Variants in DLGAP2 observed in about 807,000 individuals in gnomAD.
The protein encoded by DLGAP2 is DLG associated protein 2, also known as disks large-associated protein 2.
A neutral mutation model predicts 100.3 loss-of-function variants in DLGAP2; 26 were observed. The observed-to-expected ratio is 0.26, with a 90% confidence interval of 0.19 to 0.36. The LOEUF is 0.36. Among genes scored for constraint, DLGAP2 ranks in the 10% least tolerant of loss-of-function variants. The probability of loss-of-function intolerance (pLI) is 1.00; values close to 1 mark genes in which losing one functional copy is unlikely to be tolerated. For synonymous variants in DLGAP2, 886 were observed against 630.1 expected (o/e 1.41, Z -6.08); for missense variants, 1,858 against 1,453.2 (o/e 1.28, Z -4.53).
intron 1 of DLGAP2, among the ~76,000 whole-genome samples, chr8:756,745 C>A (rs1327568769): frequency 6.6e-6 from 1 of 152,120 alleles, no homozygotes; most frequent in Non-Finnish European, 1.5e-5. Flanking sequence ...TCTGCCCAGC[C>A]ACACCCTCCT....
At chr8:1,164,509 T>G (rs889271172) in intron 2 of DLGAP2, among the ~76,000 whole-genome samples, 7 of 151,880 alleles carry the variant, frequency 4.6e-5, no homozygotes, top group African/African-American at 1.7e-4. Flanking sequence ...GGTAACCAGG[T>G]TGGGCGTGTG....
At chr8:1,614,183 C>T (rs1797074396) in intron 6 of DLGAP2, among the ~76,000 whole-genome samples, 1 of 152,154 alleles carries the variant, frequency 6.6e-6, no homozygotes, top group African/African-American at 2.4e-5. Context: ...TCACAAACCC[C>T]ACCAGCACCT....
At chr8:1,417,998 G>C (rs1293890138) in intron 3 of DLGAP2, among the ~76,000 whole-genome samples, 1 of 152,194 alleles carries the variant, frequency 6.6e-6, no homozygotes, top group African/African-American at 2.4e-5. Context: ...AGCACGTTTG[G>C]AGAATGGGCT....
chr8:857,474 T>C (rs1797301358), intron 1 of DLGAP2, among the ~76,000 whole-genome samples: 1 of 152,164 alleles, frequency 6.6e-6, no homozygotes, highest in Non-Finnish European at 1.5e-5. Flanking sequence ...CAAATAATTT[T>C]CAAATTTCAA....
chr8:1,177,500 G>C (rs542092439), intron 2 of DLGAP2, among the ~76,000 whole-genome samples: 3 of 152,224 alleles, frequency 2.0e-5, no homozygotes, highest in Admixed American at 1.3e-4. Flanking sequence ...GTTGATGTCA[G>C]ATATTAGCAC....
At chr8:747,295 C>T (rs1227756115) in intron 1 of DLGAP2, among the ~76,000 whole-genome samples, 1 of 152,064 alleles carries the variant, frequency 6.6e-6, no homozygotes, top group South Asian at 2.1e-4. Flanking sequence ...TATCATAAAG[C>T]AGACAGGGAA....
intron 3 of DLGAP2, among the ~76,000 whole-genome samples, chr8:1,446,745 C>A (rs1239116891): frequency 2.0e-5 from 3 of 152,112 alleles, no homozygotes; most frequent in African/African-American, 7.2e-5. Flanking sequence ...TGTTTCATTT[C>A]TTTGTATCCT....
chr8:978,681 G>A (rs1033365799), intron 2 of DLGAP2, among the ~76,000 whole-genome samples: 8 of 151,918 alleles, frequency 5.3e-5, no homozygotes, highest in Non-Finnish European at 1.2e-4. Flanking sequence ...TGTGGGGAGG[G>A]CGTCGGGGAT....
At chr8:1,182,037 C>G (rs1340062110) in intron 2 of DLGAP2, among the ~76,000 whole-genome samples, 1 of 152,220 alleles carries the variant, frequency 6.6e-6, no homozygotes, top group Non-Finnish European at 1.5e-5. Flanking sequence ...GTTGCAGCCT[C>G]TGTGCTGCAG....
At chr8:1,047,395 A>G (rs1048806689) in intron 2 of DLGAP2, among the ~76,000 whole-genome samples, 2 of 152,310 alleles carry the variant, frequency 1.3e-5, no homozygotes, top group African/African-American at 4.8e-5. Context: ...TTTGCATTAC[A>G]CTTACCAGTT....
intron 2 of DLGAP2, among the ~76,000 whole-genome samples, chr8:1,071,625 C>G (rs1303869891): frequency 1.3e-5 from 2 of 152,194 alleles, no homozygotes; most frequent in Non-Finnish European, 2.9e-5. Context: ...CCACCTGGTT[C>G]ATTTAGTGAT....
chr8:850,093 T>C (rs1487447905), intron 1 of DLGAP2, among the ~76,000 whole-genome samples: 2 of 151,970 alleles, frequency 1.3e-5, no homozygotes, highest in South Asian at 2.1e-4. Flanking sequence ...GTTGTTTGTA[T>C]TTTAATGTTT....
chr8:1,107,085 T>G (rs1438350330), intron 2 of DLGAP2, among the ~76,000 whole-genome samples: 1 of 152,222 alleles, frequency 6.6e-6, no homozygotes, highest in Non-Finnish European at 1.5e-5. Context: ...AATGTGACTT[T>G]TGTGTGAGTT....
intron 8 of DLGAP2, among the ~76,000 whole-genome samples, chr8:1,641,562 T>A (rs938549378): frequency 6.6e-6 from 1 of 152,134 alleles, no homozygotes; most frequent in African/African-American, 2.4e-5. Context: ...CCAGGGCTCT[T>A]GCAGTTGACA....
rs1479852389 is a variant in DLGAP2, at chr8:1,549,301, G to T, written c.848G>T (p.Arg283Leu). 1.9e-6 allele frequency: 3 copies of T among 1,612,200 alleles called. No homozygotes were observed. The highest frequency in any genetic ancestry group is 1.7e-5 in the Admixed American group (1 of 59,978). Residue 283 changes from arginine (R) to leucine (L), a missense_variant, in exon 5 of 15, where the codon CGC becomes CTC. Physicochemically the swap from Arg to Leu is moderately radical, Grantham distance 102. Coordinates refer to ENST00000637795, the MANE Select transcript of DLGAP2 (RefSeq NM_001346810.2). ...KHSKRSKSKE[R>L]KPEGKPRPGM... The stretch of plus-strand genomic sequence containing the variant: ...AGCAAGAGGAGCAAGAGCAAGGAGC[G>T]CAAGCCGGAGGGCAAGCCCCGGCCC...
Position 1,029,308 on chromosome 8 carries a change from G to C in DLGAP2, c.73+121342G>C, listed in dbSNP as rs561649968. Among the ~76,000 whole-genome samples, 24 of 152,324 alleles carry C rather than the reference G, an allele frequency of 1.6e-4. No homozygotes were observed. The South Asian group carries it at 4.6e-3, about 29-fold the overall frequency. ...CTTGGATGGGATATTAGGGCGAGAA[G>C]AGTACAACCTGGGACAAATTTCCAA... On this transcript the variant is annotated intron_variant, in intron 2 of 14. Coordinates refer to ENST00000637795, the MANE Select transcript of DLGAP2 (RefSeq NM_001346810.2).
At chr8:970,700 A>G (rs1799991194) in intron 2 of DLGAP2, among the ~76,000 whole-genome samples, 1 of 152,218 alleles carries the variant, frequency 6.6e-6, no homozygotes, top group African/African-American at 2.4e-5. Flanking sequence ...AATTATTTTA[A>G]CAAATGGCTC....
chr8:780,027 A>G (rs550639864), intron 1 of DLGAP2, among the ~76,000 whole-genome samples: 3 of 152,230 alleles, frequency 2.0e-5, no homozygotes, highest in East Asian at 1.9e-4. Context: ...TTAAAATTCT[A>G]TTCTAGAGAT....
At chr8:1,209,401 T>C (rs1798059580) in intron 2 of DLGAP2, among the ~76,000 whole-genome samples, 1 of 152,216 alleles carries the variant, frequency 6.6e-6, no homozygotes, top group Admixed American at 6.5e-5. Context: ...CTTCCCTACA[T>C]TTTAAATTCC....
Sources: gnomAD v4.1 joint callset for allele counts (sites outside exome capture counted in the v4.1 genomes callset) on GRCh38, gnomAD v4.1.1 for gene constraint, MANE v1.5 for transcripts, NCBI Gene and HGNC (gene_info 2026-07-23, HGNC 2026-07-21) for gene names.